The following PIGG variants were observed in gnomAD, a reference collection of about 807,000 sequenced individuals.
PIGG encodes GPI ethanolamine phosphate transferase 2, catalytic subunit.
PIGG carries 70 observed loss-of-function variants against 83.2 expected under a neutral mutation model. The ratio of observed to expected loss-of-function variants is 0.84; its 90% CI spans 0.69 to 1.03. PIGG has a LOEUF of 1.03. Among genes scored for constraint, PIGG ranks in the 50% least tolerant of loss-of-function variants. PIGG has a pLI of 0.00. For synonymous variants in PIGG, 532 were observed against 519.5 expected (o/e 1.02, Z -0.33); for missense variants, 1,257 against 1,233.6 (o/e 1.02, Z -0.28).
chr4:532,924 G>T (rs912039465), intron 11 of PIGG: 1 of 153,800 alleles, frequency 6.5e-6, no homozygotes, highest in African/African-American at 2.4e-5. Context: ...GGAGAGGTGG[G>T]GCCTAGGAGT....
chr4:516,600 G>A (rs1320146296), intron 6 of PIGG, among the ~76,000 whole-genome samples: 1 of 152,134 alleles, frequency 6.6e-6, no homozygotes, highest in African/African-American at 2.4e-5. Flanking sequence ...GCTCACGCCT[G>A]TAATCCCAGC....
chr4:521,217 C>G lies in PIGG; in HGVS notation c.1276C>G (p.Gln426Glu). The change falls in exon 7 of 13, where the codon CAA (glutamine) becomes GAA (glutamate). Residue 426 changes from glutamine (Q) to glutamate (E), a missense_variant. Transcript: ENST00000453061. The stretch of plus-strand genomic sequence containing the variant: ...GACGCTGAGCTTGTCCCTGAGTGCA[C>G]AAGTGGCCCAGTACGACATCTATTC... ...LKTLSLSLSA[Q>E]VAQYDIYSMM... is the part of the protein sequence containing the mutation. The G allele has an allele frequency of 6.2e-7, 1 of 1,614,156 alleles. No individual in the cohort carries two copies. Among genetic ancestry groups the G allele is most frequent in the Non-Finnish European group, 8.5e-7 (1 of 1,180,034 alleles).
intron 6 of PIGG, 28 bp from the exon 7 acceptor site, chr4:521,028 G>T (rs111452902): frequency 7.5e-6 from 11 of 1,476,334 alleles, no homozygotes; most frequent in Non-Finnish European, 1.0e-5. Flanking sequence ...GTGTGTGCGC[G>T]CCTGTAACCT....
chr4:538,775 A>C (rs1299616507), intron 12 of PIGG, among the ~76,000 whole-genome samples: 13 of 152,208 alleles, frequency 8.5e-5, no homozygotes, highest in Admixed American at 5.2e-4. Context: ...TTTTACATAC[A>C]GTCAAGTTTC....
At position 524,024 on chromosome 4, in the gene PIGG, G is replaced by C; in HGVS notation, c.2069+111G>C. The stretch of plus-strand genomic sequence containing the variant: ...CATTTTTCATATTAAGAATGGGATA[G>C]TATTTGAGATCTGAAGAATTGGGAA... On this transcript the variant is annotated intron_variant, in intron 9 of 12. Transcript: ENST00000453061. 10 of 676,164 alleles carry C rather than the reference G, an allele frequency of 1.5e-5. No homozygotes were observed. The South Asian group carries it at 2.1e-4, about 14-fold the overall frequency. The allele number at this position is 676,164 out of a possible 1,614,324, so 41.9% of individuals were successfully genotyped here.
In PIGG at chr4:539,250, T is replaced by C. The variant is rs1423257361; in HGVS notation, c.2833T>C (p.Leu945=). The part of the protein sequence containing the change: ...IVLVTSLRYH[L]FIWSVFSPKL... Reference sequence around the variant, plus strand: ...TTTGGTGACATCTCTGCGTTATCATTTATTTATATGGAGTGTATTTTCTCC... The same window carrying C: ...TTTGGTGACATCTCTGCGTTATCATCTATTTATATGGAGTGTATTTTCTCC... Residue 945 remains leucine, a synonymous_variant, in exon 13 of 13, where the codon TTA becomes CTA. Transcript: ENST00000453061. The C allele has an allele frequency of 6.2e-7, 1 of 1,611,904 alleles. No homozygotes were observed. The highest frequency in any genetic ancestry group is 1.1e-5 in the South Asian group (1 of 91,034).
At chr4:533,589 C>G in intron 11 of PIGG, 1 of 568,294 alleles carries the variant, frequency 1.8e-6, no homozygotes, top group Non-Finnish European at 3.2e-6. Flanking sequence ...ACGTGCCCTT[C>G]CGCAGCCTGG....
intron 12 of PIGG, among the ~76,000 whole-genome samples, chr4:534,511 G>C (rs13119658): frequency 0.19 from 29,435 of 152,150 alleles, 3,383 homozygotes; most frequent in African/African-American, 0.33. Flanking sequence ...GCTGATTTGG[G>C]TTGGAAAAAC....
chr4:508,964 A>G lies in PIGG; in HGVS notation c.895A>G (p.Lys299Glu), dbSNP rs1553881621. 1.9e-6 allele frequency: 3 copies of G among 1,610,320 alleles called. No individual in the cohort carries two copies. Among genetic ancestry groups the G allele is most frequent in the Admixed American group, 3.4e-5 (2 of 59,488 alleles). The stretch of plus-strand genomic sequence containing the variant: ...TTTAATCAGTTCTGCGTTTGAAAGG[A>G]AACCCGGTGAGAATTTAGGAATGTT... The part of the protein sequence containing the change: ...LILISSAFER[K>E]PGDIRHPKHV... Residue 299 changes from lysine (K) to glutamate (E), a missense_variant, in exon 5 of 13, where the codon AAA becomes GAA. Transcript: ENST00000453061.
chr4:513,686 G>GTA (rs572600091), intron 5 of PIGG, among the ~76,000 whole-genome samples: 69 of 152,298 alleles, frequency 4.5e-4, no homozygotes, highest in African/African-American at 1.6e-3. Context: ...AGAGACCGGC[G>GTA]GTGAAAGGAT....
intron 12 of PIGG, among the ~76,000 whole-genome samples, chr4:534,231 C>T (rs1729809945): frequency 6.6e-6 from 1 of 152,102 alleles, no homozygotes; most frequent in Non-Finnish European, 1.5e-5. Context: ...CTGACGGGGC[C>T]TCGCTGGGCT....
intron 12 of PIGG, among the ~76,000 whole-genome samples, chr4:535,761 C>T (rs1202384798): frequency 2.0e-5 from 3 of 152,156 alleles, no homozygotes; most frequent in Admixed American, 6.5e-5. Context: ...TCTGTGGTCC[C>T]GCTCCGCCCT....
chr4:527,869 G>T, intron 10 of PIGG: 1 of 985,420 alleles, frequency 1.0e-6, no homozygotes, highest in Non-Finnish European at 1.2e-6. Flanking sequence ...AGGGCAGCTT[G>T]TAACATGTGG....
chr4:539,043 C>A, intron 12 of PIGG, 110 bp from the exon 13 acceptor site: 2 of 699,674 alleles, frequency 2.9e-6, no homozygotes, highest in Non-Finnish European at 5.1e-6. Context: ...ACGCGGTGCC[C>A]TCTACTCCAA....
intron 3 of PIGG, 55 bp from the exon 4 acceptor site, chr4:507,350 G>A: frequency 1.4e-6 from 2 of 1,387,204 alleles, no homozygotes; most frequent in Non-Finnish European, 2.0e-6. Flanking sequence ...TCCCCGGGGA[G>A]TGAAGATCCA....
rs1237436696 is a variant in PIGG at position 515,772 on chromosome 4, A to G, written c.902-201A>G. Among the ~76,000 whole-genome samples, 1 of 152,254 alleles carries G rather than the reference A, an allele frequency of 6.6e-6. No homozygotes were observed. Among genetic ancestry groups the G allele is most frequent in the African/African-American group, 2.4e-5 (1 of 41,458 alleles). ...AGCCTGTTGCAGGCTACTGAAGGAAAGACACCGTCCCTGGCATAGAATGGG... is the reference window on the plus strand; with the variant it reads ...AGCCTGTTGCAGGCTACTGAAGGAAGGACACCGTCCCTGGCATAGAATGGG... On this transcript the variant is annotated intron_variant, in intron 5 of 12. Coordinates refer to ENST00000453061, the MANE Select transcript of PIGG (RefSeq NM_001127178.3). This position sits in a 1 kb window ranked among gnomAD's most constrained non-coding sequence, Gnocchi z 4.2.
chr4:534,066 G>C (rs991601853), intron 12 of PIGG, 85 bp downstream of exon 12: 1 of 1,181,988 alleles, frequency 8.5e-7, no homozygotes, highest in African/African-American at 1.5e-5. Context: ...ATGCAAGGGG[G>C]TCTAAGCTCC....
rs1318590848 is a variant in PIGG at position 515,929 on chromosome 4, C to G, written c.902-44C>G. 6.8e-7 allele frequency: 1 copy of G among 1,479,630 alleles called. No homozygotes were observed. Among genetic ancestry groups the G allele is most frequent in the South Asian group, 1.1e-5 (1 of 88,128 alleles). 91.7% of individuals were successfully genotyped at this position (1,479,630 alleles called of 1,614,324 possible). A position where few individuals can be genotyped will look rare whatever the true frequency, so the allele number is the denominator to read the frequency against. On this transcript the variant is annotated intron_variant, in intron 5 of 12. Transcript: ENST00000453061. This position sits in a 1 kb window ranked among gnomAD's most constrained non-coding sequence, Gnocchi z 4.2. ...TAATTCAAGAATGAGTACCATCTTACACTTTCTAGAAGTCTGTTACTTAAA... is the reference window on the plus strand; with the variant it reads ...TAATTCAAGAATGAGTACCATCTTAGACTTTCTAGAAGTCTGTTACTTAAA...
In PIGG at chr4:515,912, G is replaced by T; in HGVS notation, c.902-61G>T. 7.5e-7 allele frequency: 1 copy of T among 1,331,758 alleles called. No individual in the cohort carries two copies. The highest frequency in any genetic ancestry group is 1.8e-4 in the Middle Eastern group (1 of 5,532). The allele number at this position is 1,331,758 out of a possible 1,614,324, so 82.5% of individuals were successfully genotyped here. A position where few individuals can be genotyped will look rare whatever the true frequency, so the allele number is the denominator to read the frequency against. ...GTTAGTTGTAGAAGGTCTAATTCAA[G>T]AATGAGTACCATCTTACACTTTCTA... On this transcript the variant is annotated intron_variant, in intron 5 of 12. Coordinates refer to ENST00000453061, the MANE Select transcript of PIGG (RefSeq NM_001127178.3). This position sits in a 1 kb window ranked among gnomAD's most constrained non-coding sequence, Gnocchi z 4.2.
Sources: allele counts gnomAD v4.1 joint callset (sites outside exome capture counted in the v4.1 genomes callset), GRCh38; gene constraint gnomAD v4.1.1; non-coding constraint Gnocchi (gnomAD v3.1); transcripts MANE v1.5; gene names NCBI Gene and HGNC (gene_info 2026-07-23, HGNC 2026-07-21).